AOX1: variants seen among roughly 807,000 people sequenced by gnomAD.
AOX1 encodes aldehyde oxidase.
AOX1 carries 153 observed loss-of-function variants against 169.5 expected under a neutral mutation model. That is an observed-to-expected ratio of 0.90 (90% CI 0.79 to 1.03). AOX1 has a LOEUF of 1.03. Ranked by LOEUF, AOX1 falls within the 50% of genes least tolerant of loss-of-function variation. AOX1 has a pLI of 0.00. For missense variants in AOX1, 1,656 were observed against 1,663.9 expected (o/e 1.00, Z 0.08); for synonymous variants, 562 against 581.9 (o/e 0.97, Z 0.49).
chr2:200,639,775 C>G (rs137879402), intron 23 of AOX1, among the ~76,000 whole-genome samples: 212 of 152,146 alleles, frequency 1.4e-3, no homozygotes, highest in African/African-American at 4.9e-3. Context: ...TGGCTCAGGC[C>G]TGTAATCCTA....
intron 18 of AOX1, among the ~76,000 whole-genome samples, chr2:200,621,579 G>A (rs1190251364): frequency 6.6e-6 from 1 of 151,896 alleles, no homozygotes; most frequent in Non-Finnish European, 1.5e-5. Flanking sequence ...CCTTATTATT[G>A]TCCCAGTCTC....
downstream of AOX1, chr2:200,677,144 G>T: frequency 2.9e-6 from 1 of 342,480 alleles, no homozygotes; most frequent in South Asian, 2.3e-5. Context: ...TTGCTGATTT[G>T]CTGTGTGACT....
chr2:200,635,859 CTA>C (rs2035218937), intron 21 of AOX1, among the ~76,000 whole-genome samples: 1 of 152,076 alleles, frequency 6.6e-6, no homozygotes, highest in South Asian at 2.1e-4. Context: ...GAATGTGAGA[CTA>C]TGGAGAATGA....
At chr2:200,597,320 G>A in intron 3 of AOX1, 77 bp from the exon 4 acceptor site, 1 of 1,011,780 alleles carries the variant, frequency 9.9e-7, no homozygotes, top group East Asian at 2.6e-5. Context: ...CAGTGGAGAA[G>A]CTCAGTGAAT....
At chr2:200,612,479 C>T (rs1335471909) in intron 13 of AOX1, 130 bp from the exon 14 acceptor site, 2 of 816,782 alleles carry the variant, frequency 2.4e-6, no homozygotes, top group Non-Finnish European at 4.1e-6. Flanking sequence ...ACACACACTA[C>T]CTGGTGTGTA....
At chr2:200,626,832 T>C (rs1330348029) in intron 19 of AOX1, among the ~76,000 whole-genome samples, 1 of 152,252 alleles carries the variant, frequency 6.6e-6, no homozygotes, top group East Asian at 1.9e-4. Context: ...ATATAAGCTC[T>C]TCACGTCTTA....
intron 25 of AOX1, 53 bp downstream of exon 25, chr2:200,642,854 G>A: frequency 6.6e-7 from 1 of 1,511,506 alleles, no homozygotes; most frequent in South Asian, 1.2e-5. Flanking sequence ...AGAGACGGTA[G>A]GGCCTTTGGG....
At chr2:200,677,084 T>C, downstream of AOX1, 1 of 370,580 alleles carries the variant, frequency 2.7e-6, no homozygotes, top group East Asian at 8.5e-5. Flanking sequence ...AAGCAATCTT[T>C]TATTAATGTT....
chr2:200,673,912 T>C (rs1465871711), downstream of AOX1, among the ~76,000 whole-genome samples: 1 of 152,210 alleles, frequency 6.6e-6, no homozygotes, highest in African/African-American at 2.4e-5. Flanking sequence ...TACCCCTCCT[T>C]GGGTCTGACT....
intron 22 of AOX1, 59 bp from the exon 23 acceptor site, chr2:200,638,156 C>A: frequency 6.6e-7 from 1 of 1,520,754 alleles, no homozygotes; most frequent in Non-Finnish European, 9.1e-7. Flanking sequence ...GTTATATAAA[C>A]CCCAGAGAAT....
chr2:200,676,796 G>A, intron 4 of AOX1: 1 of 418,860 alleles, frequency 2.4e-6, no homozygotes. Context: ...TAGACAGACA[G>A]GAGCTGGTTG....
downstream of AOX1, among the ~76,000 whole-genome samples, chr2:200,677,864 C>T (rs747766983): frequency 2.0e-5 from 3 of 152,204 alleles, no homozygotes; most frequent in African/African-American, 7.2e-5. Context: ...CGAGCATACC[C>T]GCCCTGCATG....
chr2:200,586,100 G>A lies in AOX1; in HGVS notation c.-9G>A, dbSNP rs1188401399. ...CGCTCCGGGCCCTCGAACCAGCGCG[G>A]ACACCACAATGGACCGGGCGTCCGA... is the stretch of plus-strand genomic sequence containing the variant. On this transcript the variant is annotated 5_prime_UTR_variant, in exon 1 of 35. Coordinates refer to ENST00000374700, the MANE Select transcript of AOX1 (RefSeq NM_001159.4). 6.4e-7 allele frequency: 1 copy of A among 1,556,090 alleles called. No individual in the cohort carries two copies. The highest frequency in any genetic ancestry group is 1.9e-5 in the Admixed American group (1 of 52,170).
intron 32 of AOX1, 73 bp downstream of exon 32, chr2:200,666,825 TC>T: frequency 9.8e-7 from 1 of 1,016,316 alleles, no homozygotes; most frequent in South Asian, 1.5e-5. Context: ...AGGAGAGCAT[TC>T]CATCAGTCTT....
rs1353553394 is a variant in AOX1, at chr2:200,644,606, TG to T, written c.2847+1809del. On this transcript the variant is annotated intron_variant, in intron 25 of 34. Transcript: ENST00000374700. Reference sequence around the variant, plus strand: ...GTGAAGAACAATGGTGGTATTTTGATGGGGATTGCACTGAATTTGTAGATTG... The same window carrying T: ...GTGAAGAACAATGGTGGTATTTTGATGGGATTGCACTGAATTTGTAGATTG... 3.3e-5 allele frequency among the ~76,000 whole-genome samples: 5 copies of T among 152,286 alleles called. No individual in the cohort carries two copies. The East Asian group carries it at 5.8e-4, about 18-fold the overall frequency.
Position 200,670,654 on chromosome 2 carries a change from A to T in AOX1, c.3992A>T (p.Tyr1331Phe). ...KMIPRDEPGS[Y>F]VPWNVPI ...ATTCCGAGAGATGAACCTGGATCCTACGTTCCTTGGAATGTACCCATCTGA... is the reference window on the plus strand; with the variant it reads ...ATTCCGAGAGATGAACCTGGATCCTTCGTTCCTTGGAATGTACCCATCTGA... Residue 1331 changes from tyrosine (Y) to phenylalanine (F), a missense_variant, in exon 35 of 35, where the codon TAC becomes TTC. Tyr to Phe is a conservative substitution (Grantham distance 22). Coordinates refer to ENST00000374700, the MANE Select transcript of AOX1 (RefSeq NM_001159.4). 1 of 1,613,050 alleles carries T rather than the reference A, an allele frequency of 6.2e-7. No homozygotes were observed. Among genetic ancestry groups the T allele is most frequent in the African/African-American group, 1.3e-5 (1 of 75,036 alleles).
intron 10 of AOX1, 96 bp from the exon 11 acceptor site, chr2:200,608,888 C>A: frequency 9.3e-7 from 1 of 1,073,696 alleles, no homozygotes; most frequent in Non-Finnish European, 1.4e-6. Flanking sequence ...CAGCATGTAT[C>A]CAGTATAAAG....
intron 25 of AOX1, among the ~76,000 whole-genome samples, chr2:200,649,495 G>A (rs915407984): frequency 1.3e-5 from 2 of 152,138 alleles, no homozygotes; most frequent in African/African-American, 4.8e-5. Context: ...TCCTTCAGAG[G>A]GTTTGTGGGT....
At position 200,618,025 on chromosome 2, in the gene AOX1, A is replaced by G. The variant is rs572368139; in HGVS notation, c.1704+1962A>G. On this transcript the variant is annotated intron_variant, in intron 16 of 34. Coordinates refer to ENST00000374700, the MANE Select transcript of AOX1 (RefSeq NM_001159.4). The stretch of plus-strand genomic sequence containing the variant: ...GGACAGGGCAGTGTGAGCTACGTCA[A>G]TAGAGCTGGAGTGTTGGGACTGTCT... 1.1e-4 allele frequency among the ~76,000 whole-genome samples: 16 copies of G among 152,296 alleles called. No individual in the cohort carries two copies. The South Asian group carries it at 3.3e-3, about 32-fold the overall frequency.
Sources: gnomAD v4.1 joint callset for allele counts (sites outside exome capture counted in the v4.1 genomes callset) on GRCh38, gnomAD v4.1.1 for gene constraint, MANE v1.5 for transcripts, NCBI Gene and HGNC (gene_info 2026-07-23, HGNC 2026-07-21) for gene names.